PKHD1: variants seen among roughly 807,000 people sequenced by gnomAD.
The protein encoded by PKHD1 is fibrocystin.
A neutral mutation model predicts 412.0 loss-of-function variants in PKHD1; 291 were observed. The observed-to-expected ratio is 0.71, with a 90% CI of 0.64 to 0.78. The LOEUF (loss-of-function observed/expected upper bound fraction) is 0.78. Ranked by LOEUF, PKHD1 falls within the 30% of genes least tolerant of loss-of-function variation. The probability of loss-of-function intolerance (pLI) is 0.00; values close to 1 mark genes in which losing one functional copy is unlikely to be tolerated. For synonymous variants in PKHD1, 1,777 were observed against 1,821.5 expected (o/e 0.98, Z 0.62); for missense variants, 4,825 against 4,950.7 (o/e 0.97, Z 0.76).
chr6:51,994,173 C>T (rs1403475395), intron 35 of PKHD1, among the ~76,000 whole-genome samples: 2 of 146,556 alleles, frequency 1.4e-5, no homozygotes, highest in East Asian at 2.0e-4. Flanking sequence ...CTCGCTCTTT[C>T]GCCCAGGCCG....
At chr6:51,873,878 A>G (rs1343286361) in intron 46 of PKHD1, among the ~76,000 whole-genome samples, 1 of 152,184 alleles carries the variant, frequency 6.6e-6, no homozygotes, top group Non-Finnish European at 1.5e-5. Context: ...AAAAACAGAA[A>G]CCAAAAACGG....
chr6:51,870,825 C>CAG (rs1775874767), intron 46 of PKHD1, among the ~76,000 whole-genome samples, 186 bp from the exon 47 acceptor site: 1 of 151,060 alleles, frequency 6.6e-6, no homozygotes, highest in South Asian at 2.1e-4. Context: ...TAGGTTTCAA[C>CAG]AGCAAGAAAA....
At chr6:51,647,351 C>A (rs1395315772) in intron 63 of PKHD1, among the ~76,000 whole-genome samples, 1 of 152,104 alleles carries the variant, frequency 6.6e-6, no homozygotes, top group African/African-American at 2.4e-5. Context: ...CCCTAAAATG[C>A]ACATTATTGG....
chr6:51,637,338 T>A (rs1768711739), intron 64 of PKHD1, among the ~76,000 whole-genome samples: 1 of 152,194 alleles, frequency 6.6e-6, no homozygotes, highest in African/African-American at 2.4e-5. Flanking sequence ...ACTACACGTT[T>A]GTTATGAACC....
intron 60 of PKHD1, among the ~76,000 whole-genome samples, chr6:51,666,721 A>C (rs1367937664): frequency 7.9e-6 from 1 of 126,758 alleles, no homozygotes; most frequent in African/African-American, 3.1e-5. Flanking sequence ...CAGTCCCCAG[A>C]GTGCGATGTT....
chr6:51,912,911 AT>A (rs1277535370), intron 37 of PKHD1, among the ~76,000 whole-genome samples: 1 of 152,074 alleles, frequency 6.6e-6, no homozygotes, highest in Non-Finnish European at 1.5e-5. Flanking sequence ...CTTTAGGGTA[AT>A]AAACTTGATG....
Position 51,626,696 on chromosome 6 carries a change from A to G in PKHD1, c.11785+301T>C, listed in dbSNP as rs577874563. Among the ~76,000 whole-genome samples, 248 of 152,320 alleles carry G rather than the reference A, an allele frequency of 1.6e-3. 5 individuals carry two copies. In the South Asian group the frequency reaches 0.029, roughly 18 times the overall value. On this transcript the variant is annotated intron_variant, in intron 66 of 66. Transcript: ENST00000371117. ...TGGCAGCTTTGCAATAGCTAAAGGA[A>G]AGATTATATGCCTATACTCTGGTTT...
At chr6:51,873,477 G>T (rs995434439) in intron 46 of PKHD1, among the ~76,000 whole-genome samples, 61 of 152,180 alleles carry the variant, frequency 4.0e-4, no homozygotes, top group African/African-American at 1.4e-3. Flanking sequence ...ATCTTGCTCT[G>T]GCAATGTTCT....
At chr6:51,701,401 G>C (rs955798505) in intron 60 of PKHD1, among the ~76,000 whole-genome samples, 3 of 152,050 alleles carry the variant, frequency 2.0e-5, no homozygotes, top group South Asian at 4.1e-4. Flanking sequence ...GTTTGGTAAA[G>C]AGTTAAGTCT....
intron 52 of PKHD1, among the ~76,000 whole-genome samples, chr6:51,827,136 A>C (rs1767451098): frequency 6.6e-6 from 1 of 152,152 alleles, no homozygotes; most frequent in Admixed American, 6.6e-5. Context: ...TTATGTAAAA[A>C]TGGGTTTTTA....
intron 59 of PKHD1, among the ~76,000 whole-genome samples, chr6:51,744,853 T>C (rs1442565008): frequency 1.3e-5 from 2 of 152,130 alleles, no homozygotes; most frequent in Non-Finnish European, 2.9e-5. Context: ...ATAATATAAT[T>C]ATTTTTAGGA....
rs544702923 is a variant in PKHD1, at chr6:52,043,527, T to A, written c.2821+98A>T. The A allele has an allele frequency of 8.5e-5, 73 of 853,968 alleles. No individual in the cohort carries two copies. The African/African-American group carries it at 1.2e-3, about 14-fold the overall frequency. The allele number at this position is 853,968 out of a possible 1,614,324, so 52.9% of individuals were successfully genotyped here. A position where few individuals can be genotyped will look rare whatever the true frequency, so the allele number is the denominator to read the frequency against. On this transcript the variant is annotated intron_variant, in intron 26 of 66. Transcript: ENST00000371117. ...CTCAACCTCTGCCTAATGAACTAAT[T>A]TATCTTCTACCCACCCATCACCAGC...
intron 61 of PKHD1, among the ~76,000 whole-genome samples, chr6:51,657,081 T>C (rs957886848): frequency 2.8e-4 from 43 of 150,974 alleles, no homozygotes; most frequent in African/African-American, 1.0e-3. Context: ...AGAACATCCT[T>C]GGTACTTTTC....
chr6:52,073,674 T>C, intron 6 of PKHD1, 133 bp from the exon 7 acceptor site: 2 of 676,550 alleles, frequency 3.0e-6, no homozygotes, highest in South Asian at 3.3e-5. Context: ...TTAATACTTT[T>C]AATAAATTGT....
chr6:51,710,527 G>C (rs9382004), intron 60 of PKHD1, among the ~76,000 whole-genome samples: 99,361 of 151,910 alleles, frequency 0.65, 33,620 homozygotes, highest in East Asian at 0.91. Flanking sequence ...ATGAATCTTA[G>C]CTATCCAATG....
intron 45 of PKHD1, among the ~76,000 whole-genome samples, chr6:51,883,951 A>G (rs1382998973): frequency 6.6e-6 from 1 of 152,166 alleles, no homozygotes; most frequent in Non-Finnish European, 1.5e-5. Flanking sequence ...TGCAGCAAGA[A>G]GGTCCTCAGA....
chr6:52,032,089 C>T (rs372147965), intron 29 of PKHD1, among the ~76,000 whole-genome samples: 1 of 152,158 alleles, frequency 6.6e-6, no homozygotes, highest in Non-Finnish European at 1.5e-5. Flanking sequence ...CTTCAGTCAC[C>T]TGGGGCAGCA....
intron 45 of PKHD1, among the ~76,000 whole-genome samples, chr6:51,885,326 C>T (rs1778038576): frequency 6.6e-6 from 1 of 152,100 alleles, no homozygotes; most frequent in Non-Finnish European, 1.5e-5. Flanking sequence ...CTTATTTCTT[C>T]TAAAGTAAGA....
At chr6:52,052,537 G>A (rs1485040072) in intron 21 of PKHD1, among the ~76,000 whole-genome samples, 1 of 152,156 alleles carries the variant, frequency 6.6e-6, no homozygotes, top group Non-Finnish European at 1.5e-5. Context: ...TGTCTTGAAG[G>A]TTGTAAATCA....
Sources: gnomAD v4.1 joint callset for allele counts (sites outside exome capture counted in the v4.1 genomes callset) on GRCh38, gnomAD v4.1.1 for gene constraint, MANE v1.5 for transcripts, NCBI Gene and HGNC (gene_info 2026-07-23, HGNC 2026-07-21) for gene names.